ATG2A: variants seen among roughly 807,000 people sequenced by gnomAD.
ATG2A encodes autophagy-related protein 2 homolog A.
In ATG2A, 103 loss-of-function variants were observed where a neutral mutation model predicts 214.2. That is an observed-to-expected ratio of 0.48 (90% CI 0.41 to 0.57). ATG2A has a LOEUF of 0.57. Ranked by LOEUF, ATG2A falls within the 20% of genes least tolerant of loss-of-function variation. The pLI is 0.00. For missense variants in ATG2A, 2,312 were observed against 2,613.2 expected (o/e 0.88, Z 2.51); for synonymous variants, 1,160 against 1,142.1 (o/e 1.02, Z -0.32).
In ATG2A at chr11:64,898,789, G is replaced by A; in HGVS notation, c.4518C>T (p.Ala1506=). The change falls in exon 32 of 41, where the codon GCC becomes GCT. Residue 1506 remains alanine (A), a synonymous_variant. Transcript: ENST00000377264. The surrounding 1 kb of genome is among the most constrained non-coding windows in gnomAD (Gnocchi z 4.5). ...YPAEPATGPA[A]PSQELEERPL... is the part of the protein sequence containing the mutation. ...GTCGCTCCTCCAGCTCCTGGCTGGGGGCCGCAGGGCCTGTGGCTGGCTCCG... is the reference window on the plus strand; with the variant it reads ...GTCGCTCCTCCAGCTCCTGGCTGGGAGCCGCAGGGCCTGTGGCTGGCTCCG... 6.2e-7 allele frequency: 1 copy of A among 1,613,582 alleles called. No individual in the cohort carries two copies. The highest frequency in any genetic ancestry group is 8.5e-7 in the Non-Finnish European group (1 of 1,180,004).
chr11:64,900,618 C>T lies in ATG2A; in HGVS notation c.4340G>A (p.Gly1447Asp). The T allele has an allele frequency of 6.2e-7, 1 of 1,606,564 alleles. No homozygotes were observed. Among genetic ancestry groups the T allele is most frequent in the Non-Finnish European group, 8.5e-7 (1 of 1,176,274 alleles). The change falls in exon 31 of 41, where the codon GGC becomes GAC. Residue 1447 changes from glycine (G) to aspartate (D), a missense_variant. By Grantham distance (94) the Gly-to-Asp change is moderately conservative (BLOSUM62 -1). Transcript: ENST00000377264. ...GPHPGHRART[G>D]LSGPRSSPSR... The stretch of plus-strand genomic sequence containing the variant: ...AGGGGAGCTCCTGGGACCTGAGAGG[C>T]CAGTTCTTGCCCTGGGAAGAGGGAC...
Position 64,914,361 on chromosome 11 carries a change from G to A in ATG2A, c.311C>T (p.Thr104Ile), listed in dbSNP as rs745815212. ...ACCTGGACCCCGGCGGGGCTGCAAG[G>A]TGAGCTGGAGGCCGGACACGCGCAC... is the stretch of plus-strand genomic sequence containing the variant. Reference protein sequence around the residue: ...CTVRVSGLQLTLQPRRGPAPG... With the variant: ...CTVRVSGLQLILQPRRGPAPG... The change falls in exon 2 of 41, where the codon ACC becomes ATC. Residue 104 changes from threonine to isoleucine, a missense_variant. Physicochemically the swap from Thr to Ile is moderately conservative, Grantham distance 89. Transcript: ENST00000377264. 3.7e-6 allele frequency: 6 copies of A among 1,608,176 alleles called. No individual in the cohort carries two copies. Among genetic ancestry groups the A allele is most frequent in the Non-Finnish European group, 5.1e-6 (6 of 1,177,988 alleles).
intron 37 of ATG2A, 139 bp from the exon 38 acceptor site, chr11:64,897,008 G>T: frequency 8.3e-7 from 1 of 1,210,660 alleles, no homozygotes; most frequent in Non-Finnish European, 1.1e-6. Flanking sequence ...CCAGTCATGT[G>T]CAGAGGGACT....
rs1205325516 is a variant in ATG2A at position 64,905,437 on chromosome 11, A to G, written c.3464+126T>C. The stretch of plus-strand genomic sequence containing the variant: ...CCCTCTAGAAAGGCGGAAACAATCC[A>G]CATTCCTGAGAATGAGACTATCACC... On this transcript the variant is annotated intron_variant, in intron 24 of 40. Coordinates refer to ENST00000377264, the MANE Select transcript of ATG2A (RefSeq NM_015104.3). 7.4e-6 allele frequency: 8 copies of G among 1,080,686 alleles called. No individual in the cohort carries two copies. In the East Asian group the frequency reaches 1.0e-4, roughly 14 times the overall value. The allele number at this position is 1,080,686 out of a possible 1,614,324, so 66.9% of individuals were successfully genotyped here.
In ATG2A at chr11:64,902,618, G is replaced by A. The variant is rs1373112922; in HGVS notation, c.3675C>T (p.Asp1225=). 2 of 1,610,852 alleles carry A rather than the reference G, an allele frequency of 1.2e-6. No homozygotes were observed. Among genetic ancestry groups the A allele is most frequent in the Admixed American group, 1.7e-5 (1 of 59,976 alleles). ...GCAGGTTGACCAGCAGGGCACAGGA[G>A]TCGGCACAGCTGTGCACGTGTACCA... is the stretch of plus-strand genomic sequence containing the variant. ...NNVVHVHSCA[D]SCALLVNLLQ... The change falls in exon 27 of 41, where the codon GAC becomes GAT. Residue 1225 remains aspartate (D), a synonymous_variant. Transcript: ENST00000377264.
At position 64,906,456 on chromosome 11, in the gene ATG2A, T is replaced by C. The variant is rs1029222863; in HGVS notation, c.3061A>G (p.Ile1021Val). Reference sequence around the variant, plus strand: ...GTCACCCCTTCCTCCGATGGGTAGATGGTTGGGGCCAGCTGAGCCGGGGGA... The same window carrying C: ...GTCACCCCTTCCTCCGATGGGTAGACGGTTGGGGCCAGCTGAGCCGGGGGA... Reference protein sequence around the residue: ...FAPPAQLAPTIYPSEEGVTER... With the variant: ...FAPPAQLAPTVYPSEEGVTER... The change falls in exon 21 of 41, where the codon ATC becomes GTC. Residue 1021 changes from isoleucine (I) to valine (V), a missense_variant. Physicochemically the swap from Ile to Val is conservative, Grantham distance 29. Transcript: ENST00000377264. 3.1e-6 allele frequency: 5 copies of C among 1,613,082 alleles called. No homozygotes were observed. Among genetic ancestry groups the C allele is most frequent in the African/African-American group, 1.3e-5 (1 of 74,882 alleles).
At chr11:64,899,143 G>C (rs1249838969) in intron 31 of ATG2A, among the ~76,000 whole-genome samples, 1 of 152,150 alleles carries the variant, frequency 6.6e-6, no homozygotes, top group Admixed American at 6.5e-5. Context: ...GGCCTCAAGT[G>C]ATCTGCCTGC....
At position 64,914,325 on chromosome 11, in the gene ATG2A, G is replaced by T. The variant is rs368905302; in HGVS notation, c.334+13C>A. 5.0e-5 allele frequency: 80 copies of T among 1,586,954 alleles called. No individual in the cohort carries two copies. Among genetic ancestry groups the T allele is most frequent in the Non-Finnish European group, 6.7e-5 (78 of 1,167,574 alleles). On this transcript the variant is annotated intron_variant, in intron 2 of 40. Coordinates refer to ENST00000377264, the MANE Select transcript of ATG2A (RefSeq NM_015104.3). ...TCCCCACTTGCCTGCCCCCAGCCTC[G>T]CCCTGCCCTCACCTGGACCCCGGCG...
Position 64,909,136 on chromosome 11 carries a change from A to T in ATG2A, c.2219T>A (p.Val740Glu), listed in dbSNP as rs773827692. 1.9e-6 allele frequency: 3 copies of T among 1,610,470 alleles called. No homozygotes were observed. In the South Asian group the frequency reaches 3.3e-5, roughly 18 times the overall value. The change falls in exon 16 of 41, where the codon GTG becomes GAG. Residue 740 changes from valine (V) to glutamate (E), a missense_variant. Coordinates refer to ENST00000377264, the MANE Select transcript of ATG2A (RefSeq NM_015104.3). ...CTGTGTGCTGCTGGACTGGGGGTTC[A>T]CAGTCACCACTACCCTGCCGGGGCA... ...KYFLPQVVVT[V>E]NPQSSSTQWE...
At position 64,896,550 on chromosome 11, in the gene ATG2A, C is replaced by A; in HGVS notation, c.5339G>T (p.Arg1780Leu). ...GGAGGCAGCCCCTCGCTGCAGCCCC[C>A]GCATGAGGCGGCCATCCTTCCTGTA... ...EQYRKDGRLMRGLQRGAASFG... is the reference protein window; with the variant it reads ...EQYRKDGRLMLGLQRGAASFG... The change falls in exon 39 of 41, where the codon CGG becomes CTG. Residue 1780 changes from arginine (R) to leucine (L), a missense_variant. Transcript: ENST00000377264. The A allele has an allele frequency of 6.2e-7, 1 of 1,613,974 alleles. No homozygotes were observed. The highest frequency in any genetic ancestry group is 8.5e-7 in the Non-Finnish European group (1 of 1,179,950).
intron 36 of ATG2A, 57 bp from the exon 37 acceptor site, chr11:64,897,551 C>T: frequency 1.9e-6 from 3 of 1,598,348 alleles, no homozygotes; most frequent in Non-Finnish European, 2.6e-6. Flanking sequence ...CTAGCTAGCC[C>T]ATGGGAGCCA....
Position 64,911,694 on chromosome 11 carries a change from C to G in ATG2A, c.1228+148G>C, listed in dbSNP as rs188266721. 1.8e-4 allele frequency: 211 copies of G among 1,164,804 alleles called. 1 individual carries two copies. In the African/African-American group the frequency reaches 3.1e-3, roughly 17 times the overall value. The allele number at this position is 1,164,804 out of a possible 1,614,324, so 72.2% of individuals were successfully genotyped here. On this transcript the variant is annotated intron_variant, in intron 9 of 40. Coordinates refer to ENST00000377264, the MANE Select transcript of ATG2A (RefSeq NM_015104.3). ...CTGTCCACTCTATCACCAGCTCCCA[C>G]CTTGTTTGGTCCCCAGGGAACCAAG...
rs117202865 is a variant in ATG2A at position 64,906,014 on chromosome 11, A to T, written c.3264+99T>A. The T allele has an allele frequency of 2.2e-3, 3,204 of 1,445,048 alleles. 120 individuals are homozygous for T. In the East Asian group the frequency reaches 0.069, roughly 31 times the overall value. 89.5% of individuals were successfully genotyped at this position (1,445,048 alleles called of 1,614,324 possible). ...GACAAGGTCAGCTGTGGCCCAGTCC[A>T]TGTTCCTCCCACCGGCCTCCTCCCA... On this transcript the variant is annotated intron_variant, in intron 22 of 40. Coordinates refer to ENST00000377264, the MANE Select transcript of ATG2A (RefSeq NM_015104.3).
rs754177777 is a variant in ATG2A at position 64,909,809 on chromosome 11, G to A, written c.1979C>T (p.Ala660Val). The change falls in exon 14 of 41, where the codon GCG becomes GTG. Residue 660 changes from alanine (A) to valine (V), a missense_variant. Transcript: ENST00000377264. Reference protein sequence around the residue: ...ADLRPEPDPWAGQAVRAEQLR... With the variant: ...ADLRPEPDPWVGQAVRAEQLR... ...CTGCTCAGCCCGCACGGCCTGGCCC[G>A]CCCAGGGGTCCGGCTCAGGCCGCAG... 1.6e-5 allele frequency: 26 copies of A among 1,611,306 alleles called. No homozygotes were observed. Among genetic ancestry groups the A allele is most frequent in the Middle Eastern group, 1.6e-4 (1 of 6,072 alleles).
Position 64,901,975 on chromosome 11 carries a change from C to T in ATG2A, c.4106G>A (p.Gly1369Asp). 6.2e-7 allele frequency: 1 copy of T among 1,613,302 alleles called. No homozygotes were observed. Among genetic ancestry groups the T allele is most frequent in the Non-Finnish European group, 8.5e-7 (1 of 1,180,024 alleles). The change falls in exon 29 of 41, where the codon GGC becomes GAC. Residue 1369 changes from glycine to aspartate, a missense_variant. Coordinates refer to ENST00000377264, the MANE Select transcript of ATG2A (RefSeq NM_015104.3). Reference protein sequence around the residue: ...SDEFCILDAPGLGIPPRDGEP... With the variant: ...SDEFCILDAPDLGIPPRDGEP... ...CCCACCACGCACCGGGATGCCCAGG[C>T]CGGGAGCATCAAGGATGCAGAACTC...
intron 1 of ATG2A, 132 bp downstream of exon 1, chr11:64,916,833 T>TG (rs3214095): frequency 0.7 from 899,091 of 1,283,934 alleles, 327,485 homozygotes; most frequent in Non-Finnish European, 0.73. Flanking sequence ...CTCTGACGCC[T>TG]GGAGAGGGCA....
chr11:64,915,435 C>T (rs541984312), intron 1 of ATG2A, among the ~76,000 whole-genome samples: 6 of 152,310 alleles, frequency 3.9e-5, no homozygotes, highest in African/African-American at 1.4e-4. Context: ...CTAATCTAGT[C>T]ACCCAGTATA....
chr11:64,905,757 C>G lies in ATG2A; in HGVS notation c.3356G>C (p.Cys1119Ser), dbSNP rs1479813643. 1 of 1,613,960 alleles carries G rather than the reference C, an allele frequency of 6.2e-7. No homozygotes were observed. The highest frequency in any genetic ancestry group is 1.3e-5 in the African/African-American group (1 of 75,048). ...ITILHTHLFSCSVDYRPLYLP... is the reference protein window; with the variant it reads ...ITILHTHLFSSSVDYRPLYLP... ...AGCCTGGTACCTATAGTCCACAGAG[C>G]AGGAGAACAGGTGTGTGTGCAGGAT... The change falls in exon 23 of 41, where the codon TGC becomes TCC. Residue 1119 changes from cysteine (C) to serine (S), a missense_variant. Coordinates refer to ENST00000377264, the MANE Select transcript of ATG2A (RefSeq NM_015104.3).
rs1565746856 is a variant in ATG2A at position 64,902,148 on chromosome 11, G to A, written c.3933C>T (p.Ile1311=). The A allele has an allele frequency of 1.2e-6, 2 of 1,613,440 alleles. No homozygotes were observed. The highest frequency in any genetic ancestry group is 1.7e-6 in the Non-Finnish European group (2 of 1,179,970). Residue 1311 remains isoleucine (I), a synonymous_variant, in exon 29 of 41, where the codon ATC becomes ATT. Transcript: ENST00000377264. The part of the protein sequence containing the change: ...SGGHLPQASP[I]SVYLFPGERS... ...GTTCACCTGGGAATAGGTAGACGGA[G>A]ATGGGCGACGCCTGAGGGAGGTGGC...
Sources: gnomAD v4.1 joint callset for allele counts (sites outside exome capture counted in the v4.1 genomes callset) on GRCh38, gnomAD v4.1.1 for gene constraint, Gnocchi (gnomAD v3.1) non-coding constraint, MANE v1.5 for transcripts, NCBI Gene and HGNC (gene_info 2026-07-23, HGNC 2026-07-21) for gene names.